SHISA9: variants seen among roughly 807,000 people sequenced by gnomAD.
SHISA9 encodes shisa family member 9.
In SHISA9, 13 loss-of-function variants were observed where a neutral mutation model predicts 38.0. That is an observed-to-expected ratio of 0.34 (90% CI 0.22 to 0.54). The LOEUF (loss-of-function observed/expected upper bound fraction) is 0.54, where lower values mean the gene tolerates loss of function less well. SHISA9 is among the 20% of genes least tolerant of loss of function. The pLI is 0.91. For synonymous variants in SHISA9, 275 were observed against 242.0 expected (o/e 1.14, Z -1.27); for missense variants, 538 against 575.8 (o/e 0.93, Z 0.67).
At chr16:13,508,783 AAG>A in the SHISA9 span, among the ~76,000 whole-genome samples, 1 of 152,212 alleles carries the variant, frequency 6.6e-6, no homozygotes, top group Non-Finnish European at 1.5e-5. Flanking sequence ...CATGAGGAGA[AAG>A]ACATAATTTC....
chr16:13,466,762 T>C, the SHISA9 span, among the ~76,000 whole-genome samples: 1 of 152,258 alleles, frequency 6.6e-6, no homozygotes, highest in African/African-American at 2.4e-5. Context: ...TGTAACATAA[T>C]GTTGATTAAC....
intron 2 of SHISA9, among the ~76,000 whole-genome samples, chr16:13,106,347 G>C (rs2073925100): frequency 6.6e-6 from 1 of 152,182 alleles, no homozygotes; most frequent in Non-Finnish European, 1.5e-5. Flanking sequence ...GCAAGTTTAA[G>C]TTCCTGCATC....
At chr16:13,200,059 G>T (rs954072152) in intron 2 of SHISA9, among the ~76,000 whole-genome samples, 1 of 152,104 alleles carries the variant, frequency 6.6e-6, no homozygotes, top group Admixed American at 6.6e-5. Context: ...GGGGTCCTTT[G>T]CCCTTGGGGT....
At chr16:13,149,669 A>C (rs1207536838) in intron 2 of SHISA9, among the ~76,000 whole-genome samples, 2 of 152,050 alleles carry the variant, frequency 1.3e-5, no homozygotes, top group African/African-American at 2.4e-5. Flanking sequence ...TCACACCTGT[A>C]ATCCCAGCAT....
At chr16:13,149,908 G>A (rs1242687833) in intron 2 of SHISA9, among the ~76,000 whole-genome samples, 1 of 139,426 alleles carries the variant, frequency 7.2e-6, no homozygotes, top group Non-Finnish European at 1.5e-5. Context: ...CTGGGTGATA[G>A]AGCAATACTC....
chr16:13,558,563 A>G, the SHISA9 span, among the ~76,000 whole-genome samples: 2 of 152,228 alleles, frequency 1.3e-5, no homozygotes, highest in Admixed American at 6.5e-5. Context: ...TATGTAACAT[A>G]TACTGATTCA....
intron 2 of SHISA9, among the ~76,000 whole-genome samples, chr16:12,952,827 C>T (rs938072039): frequency 1.3e-5 from 2 of 152,166 alleles, no homozygotes; most frequent in African/African-American, 4.8e-5. Context: ...ATAAATTACC[C>T]AGTCTCAGGG....
At chr16:13,126,302 A>C (rs942671911) in intron 2 of SHISA9, among the ~76,000 whole-genome samples, 1 of 151,792 alleles carries the variant, frequency 6.6e-6, no homozygotes, top group Non-Finnish European at 1.5e-5. Flanking sequence ...TTGCTCCTCT[A>C]CTCCAGCTGA....
chr16:13,334,104 G>A, the SHISA9 span, among the ~76,000 whole-genome samples: 3 of 152,140 alleles, frequency 2.0e-5, no homozygotes, highest in Non-Finnish European at 4.4e-5. Context: ...CTTTGAGACC[G>A]ATGCTATCTC....
At chr16:13,501,002 G>A in the SHISA9 span, among the ~76,000 whole-genome samples, 5 of 152,246 alleles carry the variant, frequency 3.3e-5, no homozygotes, top group East Asian at 3.9e-4. Flanking sequence ...TGTCAGTCAC[G>A]CAGCCACCCC....
At chr16:13,146,287 G>T (rs1317425514) in intron 2 of SHISA9, among the ~76,000 whole-genome samples, 2 of 152,194 alleles carry the variant, frequency 1.3e-5, no homozygotes, top group Non-Finnish European at 2.9e-5. Context: ...ATGAAGCCAG[G>T]TTTCCTGCAT....
chr16:13,479,963 G>A, the SHISA9 span, among the ~76,000 whole-genome samples: 7 of 152,166 alleles, frequency 4.6e-5, no homozygotes, highest in South Asian at 2.1e-4. Context: ...CTGAATTCAC[G>A]TTCTGCCTTG....
chr16:13,117,121 C>A (rs559349928), intron 2 of SHISA9, among the ~76,000 whole-genome samples: 6 of 152,040 alleles, frequency 3.9e-5, no homozygotes, highest in African/African-American at 9.7e-5. Flanking sequence ...TACAGGCCTG[C>A]GCCACCACCA....
At chr16:13,494,595 C>G in the SHISA9 span, among the ~76,000 whole-genome samples, 8 of 151,966 alleles carry the variant, frequency 5.3e-5, no homozygotes, top group Non-Finnish European at 1.0e-4. Flanking sequence ...TACAAGGCAT[C>G]TGGTATGCTG....
At chr16:12,958,333 C>T (rs572043428) in intron 2 of SHISA9, among the ~76,000 whole-genome samples, 15 of 152,218 alleles carry the variant, frequency 9.9e-5, no homozygotes, top group Non-Finnish European at 2.2e-4. Context: ...AATGGACATC[C>T]TTGTACTTCC....
At chr16:13,367,196 G>A in the SHISA9 span, among the ~76,000 whole-genome samples, 418 of 151,388 alleles carry the variant, frequency 2.8e-3, 1 homozygote, top group African/African-American at 9.8e-3. Flanking sequence ...AAGAATGATT[G>A]TCAACAACCA....
chr16:13,074,668 CT>C (rs947582644), intron 2 of SHISA9, among the ~76,000 whole-genome samples: 193 of 140,916 alleles, frequency 1.4e-3, no homozygotes, highest in Non-Finnish European at 1.5e-3. Context: ...TTTTCTTTTT[CT>C]TTTTTTTTTT....
chr16:13,028,907 G>A (rs575990987), intron 2 of SHISA9, among the ~76,000 whole-genome samples: 12 of 152,268 alleles, frequency 7.9e-5, no homozygotes, highest in Non-Finnish European at 1.6e-4. Context: ...AAACTACATG[G>A]AGTGTGAGTG....
chr16:13,369,205 G>A, the SHISA9 span, among the ~76,000 whole-genome samples: 9 of 151,862 alleles, frequency 5.9e-5, no homozygotes, highest in East Asian at 3.9e-4. Flanking sequence ...ATTTATTTCC[G>A]TATATAGAAA....
Sources: allele counts gnomAD v4.1 joint callset (sites outside exome capture counted in the v4.1 genomes callset), GRCh38; gene constraint gnomAD v4.1.1; transcripts MANE v1.5; gene names NCBI Gene and HGNC (gene_info 2026-07-23, HGNC 2026-07-21).